Variants in RBFOX1 observed in about 807,000 individuals in gnomAD.
The protein encoded by RBFOX1 is RNA binding protein fox-1 homolog 1.
Under a neutral mutation model 57.7 loss-of-function variants are expected in RBFOX1, and 8 were observed. The ratio of observed to expected loss-of-function variants is 0.14; its 90% confidence interval spans 0.08 to 0.25. RBFOX1 has a LOEUF of 0.25. RBFOX1 is among the 10% of genes least tolerant of loss of function. The pLI is 1.00. For synonymous variants in RBFOX1, 326 were observed against 222.4 expected (o/e 1.47, Z -4.15); for missense variants, 611 against 548.5 (o/e 1.11, Z -1.14).
chr16:6,495,423 G>T (rs1167798452), intron 2 of RBFOX1, among the ~76,000 whole-genome samples: 2 of 146,660 alleles, frequency 1.4e-5, no homozygotes, highest in African/African-American at 5.1e-5. Flanking sequence ...GAGCTTCCGC[G>T]CCTGGCAGAC....
At chr16:7,314,279 TAC>T (rs1456664576) in intron 4 of RBFOX1, among the ~76,000 whole-genome samples, 7 of 152,196 alleles carry the variant, frequency 4.6e-5, no homozygotes, top group African/African-American at 1.7e-4. Flanking sequence ...TAATGATTTA[TAC>T]ACCCCGCACC....
chr16:6,007,045 G>A (rs1049200002), intron 4 of RBFOX1, among the ~76,000 whole-genome samples: 14 of 152,022 alleles, frequency 9.2e-5, no homozygotes, highest in African/African-American at 3.4e-4. Context: ...CCGTATCTCT[G>A]CCATCCATGT....
chr16:6,079,365 G>T (rs1457291498), intron 1 of RBFOX1, among the ~76,000 whole-genome samples: 1 of 152,202 alleles, frequency 6.6e-6, no homozygotes, highest in Non-Finnish European at 1.5e-5. Context: ...AGGTTGGAGT[G>T]TGGCAGTATG....
At chr16:5,698,706 T>C (rs761824109) in intron 3 of RBFOX1, among the ~76,000 whole-genome samples, 1 of 152,314 alleles carries the variant, frequency 6.6e-6, no homozygotes, top group Non-Finnish European at 1.5e-5. Flanking sequence ...CAAATGTCTA[T>C]TAACTGATTA....
At chr16:5,957,948 C>T (rs1450203564) in intron 4 of RBFOX1, among the ~76,000 whole-genome samples, 1 of 152,142 alleles carries the variant, frequency 6.6e-6, no homozygotes, top group Non-Finnish European at 1.5e-5. Flanking sequence ...ACCATCCCCA[C>T]CTTCCCCCCA....
chr16:5,690,764 T>G (rs2050651554), intron 3 of RBFOX1, among the ~76,000 whole-genome samples: 1 of 152,184 alleles, frequency 6.6e-6, no homozygotes. Flanking sequence ...TCTAAGAAGC[T>G]GTGTTCTCCT....
At chr16:5,967,599 C>T (rs771543041) in intron 4 of RBFOX1, among the ~76,000 whole-genome samples, 20 of 152,138 alleles carry the variant, frequency 1.3e-4, no homozygotes, top group Non-Finnish European at 1.8e-4. Context: ...ATAAAATACA[C>T]CATGGGCTCA....
At chr16:5,714,148 T>C (rs539196396) in intron 3 of RBFOX1, among the ~76,000 whole-genome samples, 1 of 152,248 alleles carries the variant, frequency 6.6e-6, no homozygotes. Flanking sequence ...ATAAACATAC[T>C]TGGGATACCT....
At chr16:6,893,588 A>C (rs1002111632) in intron 3 of RBFOX1, among the ~76,000 whole-genome samples, 1 of 152,140 alleles carries the variant, frequency 6.6e-6, no homozygotes, top group Non-Finnish European at 1.5e-5. Flanking sequence ...ACCACAAAGA[A>C]TCTCCTCTCC....
chr16:6,159,261 G>A (rs1380236236), intron 1 of RBFOX1, among the ~76,000 whole-genome samples: 2 of 152,064 alleles, frequency 1.3e-5, no homozygotes, highest in Admixed American at 6.6e-5. Context: ...ATTTTTAGTA[G>A]ACACGGGGTT....
At chr16:7,018,281 C>T (rs1568389154) in intron 3 of RBFOX1, among the ~76,000 whole-genome samples, 2 of 152,266 alleles carry the variant, frequency 1.3e-5, no homozygotes, top group East Asian at 3.9e-4. Context: ...TGCAAGGGGA[C>T]TTCTAATATT....
intron 4 of RBFOX1, among the ~76,000 whole-genome samples, chr16:5,952,985 A>G (rs2059550739): frequency 6.6e-6 from 1 of 152,168 alleles, no homozygotes; most frequent in East Asian, 1.9e-4. Context: ...TATTATCACT[A>G]GGAAACTTTT....
intron 3 of RBFOX1, among the ~76,000 whole-genome samples, chr16:5,738,498 G>T (rs1347295533): frequency 6.6e-6 from 1 of 151,896 alleles, no homozygotes; most frequent in Non-Finnish European, 1.5e-5. Flanking sequence ...GCTGGTCGTG[G>T]TGGTGCACGT....
At chr16:6,742,439 T>C (rs2072465003) in intron 3 of RBFOX1, among the ~76,000 whole-genome samples, 1 of 152,142 alleles carries the variant, frequency 6.6e-6, no homozygotes, top group Admixed American at 6.5e-5. Context: ...TTAAAATAAA[T>C]AGACATTTAC....
At chr16:6,778,864 G>GTT (rs147698093) in intron 3 of RBFOX1, among the ~76,000 whole-genome samples, 72 of 148,566 alleles carry the variant, frequency 4.8e-4, no homozygotes, top group Non-Finnish European at 9.0e-4. Context: ...ACACACTCTA[G>GTT]TTTTTTTTTT....
intron 1 of RBFOX1, among the ~76,000 whole-genome samples, chr16:5,424,870 CTTTT>C (rs1204007994): frequency 0.023 from 2,884 of 124,954 alleles, 110 homozygotes; most frequent in Admixed American, 0.031. Context: ...TTCTTTCTTT[CTTTT>C]TTTTCTTTCT....
rs17193449 is a variant in RBFOX1, at chr16:6,607,304, T to C, written c.-63-47299T>C. 5.8e-3 allele frequency among the ~76,000 whole-genome samples: 881 copies of C among 152,312 alleles called. 9 individuals are homozygous for C. Among genetic ancestry groups the C allele is most frequent in the Non-Finnish European group, 8.4e-3 (569 of 68,038 alleles). ...GGGAAGAGAAATGTCAGCTCTCATA[T>C]TCACATCCCTTAAAAATCAAGCATT... On this transcript the variant is annotated intron_variant, in intron 2 of 15. Coordinates refer to ENST00000550418, the MANE Select transcript of RBFOX1 (RefSeq NM_018723.4).
At chr16:5,644,619 A>G (rs115015906) in intron 3 of RBFOX1, among the ~76,000 whole-genome samples, 2,234 of 152,318 alleles carry the variant, frequency 0.015, 70 homozygotes, top group African/African-American at 0.05. Context: ...AAGGTTGGCA[A>G]TGTTGCTGAT....
chr16:7,201,472 C>CTT (rs34193115), intron 4 of RBFOX1, among the ~76,000 whole-genome samples: 10 of 144,326 alleles, frequency 6.9e-5, no homozygotes, highest in East Asian at 2.1e-4. Flanking sequence ...TTTTTCTTTT[C>CTT]TTTTTTTTGA....
Sources: allele counts gnomAD v4.1 joint callset (sites outside exome capture counted in the v4.1 genomes callset), GRCh38; gene constraint gnomAD v4.1.1; transcripts MANE v1.5; gene names NCBI Gene and HGNC (gene_info 2026-07-23, HGNC 2026-07-21).